Variants in ADCY2 observed in about 807,000 individuals in gnomAD.
ADCY2 encodes adenylate cyclase type 2.
Under a neutral mutation model 125.2 loss-of-function variants are expected in ADCY2, and 31 were observed. That is an observed-to-expected ratio of 0.25 (90% CI 0.19 to 0.33). The LOEUF (loss-of-function observed/expected upper bound fraction) is 0.33. Among genes scored for constraint, ADCY2 ranks in the 10% least tolerant of loss-of-function variants. The pLI, the probability that ADCY2 is intolerant of heterozygous loss-of-function variation, is 1.00. For synonymous variants in ADCY2, 512 were observed against 548.4 expected (o/e 0.93, Z 0.93); for missense variants, 904 against 1,418.2 (o/e 0.64, Z 5.82).
intron 4 of ADCY2, among the ~76,000 whole-genome samples, chr5:7,644,056 A>C (rs1398345947): frequency 1.3e-5 from 2 of 152,122 alleles, no homozygotes; most frequent in Non-Finnish European, 2.9e-5. Flanking sequence ...ATTTTAAAAT[A>C]AATAAACTAA....
chr5:7,747,451 T>C (rs1340058204), intron 15 of ADCY2, among the ~76,000 whole-genome samples: 2 of 152,184 alleles, frequency 1.3e-5, no homozygotes, highest in African/African-American at 4.8e-5. Flanking sequence ...CCTCATCTCA[T>C]GGAGGCCAAC....
At chr5:7,406,085 C>A (rs1739479965) in intron 1 of ADCY2, among the ~76,000 whole-genome samples, 1 of 152,002 alleles carries the variant, frequency 6.6e-6, no homozygotes, top group South Asian at 2.1e-4. Flanking sequence ...GTCTCAAACT[C>A]CTGGGCCCAA....
chr5:7,410,939 A>G (rs1463944663), intron 1 of ADCY2, among the ~76,000 whole-genome samples: 2 of 152,076 alleles, frequency 1.3e-5, no homozygotes, highest in African/African-American at 4.8e-5. Context: ...TGGGAGCTGG[A>G]CAGGAGAGAG....
At chr5:7,804,539 G>T in intron 21 of ADCY2, 46 bp from the exon 22 acceptor site, 1 of 1,432,552 alleles carries the variant, frequency 7.0e-7, no homozygotes, top group Non-Finnish European at 9.9e-7. Flanking sequence ...CTCAGCTTCA[G>T]GTCAGCATCC....
intron 3 of ADCY2, among the ~76,000 whole-genome samples, chr5:7,617,170 G>A (rs1693068048): frequency 6.6e-6 from 1 of 152,138 alleles, no homozygotes; most frequent in Non-Finnish European, 1.5e-5. Flanking sequence ...CCCCTGCAGA[G>A]GCTGCCGTGT....
intron 3 of ADCY2, among the ~76,000 whole-genome samples, chr5:7,539,301 TA>T (rs894572383): frequency 5.9e-5 from 9 of 152,062 alleles, no homozygotes; most frequent in African/African-American, 1.9e-4. Flanking sequence ...AGACATATTT[TA>T]AGCAACTGCT....
intron 15 of ADCY2, among the ~76,000 whole-genome samples, chr5:7,746,707 G>A (rs1002605679): frequency 2.0e-5 from 3 of 152,170 alleles, no homozygotes; most frequent in Non-Finnish European, 2.9e-5. Context: ...TTCTATTAAC[G>A]TATGGTAACT....
chr5:7,509,583 C>CT (rs537588990), intron 2 of ADCY2, among the ~76,000 whole-genome samples: 196 of 152,326 alleles, frequency 1.3e-3, no homozygotes, highest in African/African-American at 4.5e-3. Flanking sequence ...ATCAATCTCT[C>CT]TAACTCTGAA....
At chr5:7,753,240 C>A (rs1437660095) in intron 15 of ADCY2, among the ~76,000 whole-genome samples, 1 of 152,136 alleles carries the variant, frequency 6.6e-6, no homozygotes, top group Non-Finnish European at 1.5e-5. Context: ...TCTCCCACTG[C>A]ATTTAGTATC....
chr5:7,491,101 G>T (rs1743146688), intron 2 of ADCY2, among the ~76,000 whole-genome samples: 1 of 152,132 alleles, frequency 6.6e-6, no homozygotes, highest in African/African-American at 2.4e-5. Context: ...TAAATAAGGG[G>T]AATGCCTTAC....
chr5:7,443,753 T>C (rs1741111009), intron 2 of ADCY2, among the ~76,000 whole-genome samples: 1 of 151,346 alleles, frequency 6.6e-6, no homozygotes, highest in Non-Finnish European at 1.5e-5. Context: ...CTATGACCAC[T>C]GATTGAGTGC....
rs369587426 is a variant in ADCY2, at chr5:7,589,458, AAAAGAAAGAAAG to A, written c.571-36665_571-36654del. Among the ~76,000 whole-genome samples the A allele has an allele frequency of 5.5e-3, 403 of 73,000 alleles. 7 individuals are homozygous for A. The highest frequency in any genetic ancestry group is 0.017 in the African/African-American group (325 of 19,670). 47.9% of individuals were successfully genotyped at this position (73,000 alleles called of 152,430 possible). ...ATAGAAAGAAAGAAAGAAGGAAAGAAAAAGAAAGAAAGAAAGAAAGAAAGAAAGAAAGAAAGA... is the reference window on the plus strand; with the variant it reads ...ATAGAAAGAAAGAAAGAAGGAAAGAAAAAGAAAGAAAGAAAGAAAGAAAGA... On this transcript the variant is annotated intron_variant, in intron 3 of 24. Transcript: ENST00000338316.
At chr5:7,418,586 C>A (rs1479087002) in intron 2 of ADCY2, among the ~76,000 whole-genome samples, 1 of 151,584 alleles carries the variant, frequency 6.6e-6, no homozygotes, top group Non-Finnish European at 1.5e-5. Flanking sequence ...TTCTAGCTGC[C>A]CCTGTCCATT....
intron 19 of ADCY2, among the ~76,000 whole-genome samples, chr5:7,787,079 G>A (rs1300476301): frequency 6.6e-6 from 1 of 152,178 alleles, no homozygotes; most frequent in Admixed American, 6.5e-5. Flanking sequence ...GTCTCTTCAT[G>A]GGATCTGGGC....
chr5:7,593,116 G>A (rs1048769260), intron 3 of ADCY2, among the ~76,000 whole-genome samples: 25 of 152,156 alleles, frequency 1.6e-4, no homozygotes, highest in Admixed American at 7.2e-4. Context: ...GCTGCCCAGC[G>A]CCCTCTGGGG....
chr5:7,598,885 AC>A (rs1737102591), intron 3 of ADCY2, among the ~76,000 whole-genome samples: 1 of 152,078 alleles, frequency 6.6e-6, no homozygotes, highest in Non-Finnish European at 1.5e-5. Context: ...AGCTCTCCCC[AC>A]CCTCTGTTGG....
chr5:7,743,304 G>A (rs1004272118), intron 14 of ADCY2, among the ~76,000 whole-genome samples: 2 of 151,830 alleles, frequency 1.3e-5, no homozygotes, highest in Non-Finnish European at 2.9e-5. Context: ...TCCTTAAGGC[G>A]GCAGCTGCCA....
chr5:7,466,699 T>G (rs914061966), intron 2 of ADCY2, among the ~76,000 whole-genome samples: 2 of 152,220 alleles, frequency 1.3e-5, no homozygotes, highest in South Asian at 2.1e-4. Flanking sequence ...TTCTCTTGAC[T>G]GTATTTTCAA....
rs139450063 is a variant in ADCY2, at chr5:7,693,406, G to GTT, written c.870-2341_870-2340dup. On this transcript the variant is annotated intron_variant, in intron 5 of 24. Transcript: ENST00000338316. ...GTACCTTGCATCACAATTGCCTGCT[G>GTT]TTTTTTGTTTTTTTTTTTTTTTTTT... is the stretch of plus-strand genomic sequence containing the variant. Among the ~76,000 whole-genome samples the GTT allele has an allele frequency of 3.4e-3, 199 of 58,606 alleles. 6 individuals are homozygous for GTT. Among genetic ancestry groups the GTT allele is most frequent in the Non-Finnish European group, 5.3e-3 (147 of 27,718 alleles). 38.4% of individuals were successfully genotyped at this position (58,606 alleles called of 152,430 possible).
Sources: allele counts gnomAD v4.1 joint callset (sites outside exome capture counted in the v4.1 genomes callset), GRCh38; gene constraint gnomAD v4.1.1; transcripts MANE v1.5; gene names NCBI Gene and HGNC (gene_info 2026-07-23, HGNC 2026-07-21).